The following SCAND3 variants were observed in gnomAD, a reference collection of about 807,000 sequenced individuals.
The protein encoded by SCAND3 is SCAN domain containing 3, also known as SCAN domain-containing protein 3.
the SCAND3 span, among the ~76,000 whole-genome samples, chr6:28,577,971 T>C: frequency 6.6e-6 from 1 of 152,104 alleles, no homozygotes; most frequent in African/African-American, 2.4e-5. Context: ...TCCCTTCTTT[T>C]AAAAAAACTT....
the SCAND3 span, chr6:28,589,453 C>T: frequency 2.6e-5 from 4 of 151,354 alleles, no homozygotes; most frequent in African/African-American, 9.7e-5. Context: ...TGGGACCTTT[C>T]AAAGGTGAAC....
At chr6:28,610,288 G>T in the SCAND3 span, among the ~76,000 whole-genome samples, 1 of 152,196 alleles carries the variant, frequency 6.6e-6, no homozygotes, top group Non-Finnish European at 1.5e-5. Flanking sequence ...TTGGGAGGCA[G>T]AGGTGGGTGG....
At chr6:28,572,169 A>AAAACTGATTTTCAATCCTT in the SCAND3 span, 1 of 1,614,074 alleles carries the variant, frequency 6.2e-7, no homozygotes, top group Non-Finnish European at 8.5e-7. The surrounding 1 kb of genome is among the most constrained non-coding windows in gnomAD (Gnocchi z 4.1). Flanking sequence ...CTGTATTTTC[A>AAAACTGATTTTCAATCCTT]AAACTGATTT....
chr6:28,573,797 C>CA, the SCAND3 span: 1 of 1,541,188 alleles, frequency 6.5e-7, no homozygotes, highest in Non-Finnish European at 8.7e-7. Context: ...CTTTTCTTGA[C>CA]AAAAAAGTCC....
chr6:28,615,600 CAA>C, the SCAND3 span, among the ~76,000 whole-genome samples: 1,761 of 115,632 alleles, frequency 0.015, 9 homozygotes, highest in African/African-American at 0.029. Context: ...GACTCCATCT[CAA>C]AAAAAAAAAA....
At chr6:28,584,198 G>A in the SCAND3 span, among the ~76,000 whole-genome samples, 4 of 152,128 alleles carry the variant, frequency 2.6e-5, no homozygotes, top group Non-Finnish European at 5.9e-5. Context: ...AAGCTTTAAA[G>A]ATTGCAATCA....
At chr6:28,590,943 C>T in the SCAND3 span, 1 of 152,118 alleles carries the variant, frequency 6.6e-6, no homozygotes, top group Non-Finnish European at 1.5e-5. Flanking sequence ...ACCTTCTTTC[C>T]ACTTTGTTGA....
At chr6:28,614,703 A>C in the SCAND3 span, among the ~76,000 whole-genome samples, 1 of 145,736 alleles carries the variant, frequency 6.9e-6, no homozygotes, top group Non-Finnish European at 1.5e-5. Context: ...GGCCTCAAGC[A>C]ATCCACCCAC....
chr6:28,582,953 A>G, the SCAND3 span, among the ~76,000 whole-genome samples: 1 of 151,982 alleles, frequency 6.6e-6, no homozygotes, highest in East Asian at 1.9e-4. The surrounding 1 kb of genome is among the most constrained non-coding windows in gnomAD (Gnocchi z 4.8). Context: ...ATAAAATAAA[A>G]AACACTATAA....
At chr6:28,572,098 G>A in the SCAND3 span, 129 of 1,613,884 alleles carry the variant, frequency 8.0e-5, no homozygotes, top group Non-Finnish European at 1.1e-4. This position sits in a 1 kb window ranked among gnomAD's most constrained non-coding sequence, Gnocchi z 4.1. Flanking sequence ...CAATTTTAAA[G>A]CAATCTCAGC....
chr6:28,615,559 C>T, the SCAND3 span, among the ~76,000 whole-genome samples: 5 of 149,046 alleles, frequency 3.4e-5, no homozygotes, highest in Admixed American at 1.3e-4. Flanking sequence ...CATGATCGCG[C>T]CACTGCACTC....
chr6:28,607,204 C>G, the SCAND3 span, among the ~76,000 whole-genome samples: 1 of 152,150 alleles, frequency 6.6e-6, no homozygotes, highest in Non-Finnish European at 1.5e-5. Context: ...TACGAGGTCC[C>G]GGGTTCAATC....
the SCAND3 span, among the ~76,000 whole-genome samples, chr6:28,583,071 G>A: frequency 6.6e-6 from 1 of 151,998 alleles, no homozygotes. Context: ...GAAAGGGGGG[G>A]CAAGGGTGGA....
At chr6:28,605,247 G>C in the SCAND3 span, among the ~76,000 whole-genome samples, 1 of 152,072 alleles carries the variant, frequency 6.6e-6, no homozygotes, top group African/African-American at 2.4e-5. Context: ...CCCTGACCTG[G>C]GCTCCAGGTG....
chr6:28,603,410 C>T, the SCAND3 span, among the ~76,000 whole-genome samples: 1 of 152,106 alleles, frequency 6.6e-6, no homozygotes, highest in Non-Finnish European at 1.5e-5. Context: ...TGCTTGTTAA[C>T]ATTCTAATTG....
the SCAND3 span, chr6:28,571,819 CAG>C: frequency 6.8e-7 from 1 of 1,478,516 alleles, no homozygotes; most frequent in Non-Finnish European, 9.0e-7. Flanking sequence ...TGTAACTAGA[CAG>C]AAAGTTTAAA....
chr6:28,573,615 C>A, the SCAND3 span: 4 of 1,613,160 alleles, frequency 2.5e-6, no homozygotes, highest in East Asian at 8.9e-5. Flanking sequence ...AAATAATACA[C>A]TGTGGTTTTA....
At chr6:28,599,414 C>A in the SCAND3 span, among the ~76,000 whole-genome samples, 1 of 152,152 alleles carries the variant, frequency 6.6e-6, no homozygotes, top group African/African-American at 2.4e-5. Flanking sequence ...TTATAGTAAT[C>A]AGGACAGTGT....
the SCAND3 span, chr6:28,589,385 A>C: frequency 1.3e-4 from 20 of 152,082 alleles, no homozygotes; most frequent in African/African-American, 4.8e-4. Flanking sequence ...GGTTGGTCCC[A>C]TGGTGTAATG....
Sources: allele counts gnomAD v4.1 joint callset (sites outside exome capture counted in the v4.1 genomes callset), GRCh38; gene constraint gnomAD v4.1.1; non-coding constraint Gnocchi (gnomAD v3.1); transcripts MANE v1.5; gene names NCBI Gene and HGNC (gene_info 2026-07-23, HGNC 2026-07-21).